Variants in MEGF9 observed in about 807,000 individuals in gnomAD.
MEGF9 encodes multiple epidermal growth factor-like domains protein 9.
In MEGF9, 6 loss-of-function variants were observed where a neutral mutation model predicts 46.8. The observed-to-expected ratio is 0.13, with a 90% CI of 0.07 to 0.25. The LOEUF (loss-of-function observed/expected upper bound fraction) is 0.25. Among genes scored for constraint, MEGF9 ranks in the 10% least tolerant of loss-of-function variants. The pLI is 1.00. For synonymous variants in MEGF9, 302 were observed against 330.7 expected (o/e 0.91, Z 0.94); for missense variants, 683 against 792.4 (o/e 0.86, Z 1.66).
At chr9:120,632,948 T>G (rs536203877) in intron 2 of MEGF9, among the ~76,000 whole-genome samples, 2 of 152,234 alleles carry the variant, frequency 1.3e-5, no homozygotes, top group Admixed American at 6.5e-5. Context: ...TCCCACTTGA[T>G]CATGGTGTAT....
At chr9:120,675,207 G>A (rs1182328299) in intron 1 of MEGF9, among the ~76,000 whole-genome samples, 3 of 152,130 alleles carry the variant, frequency 2.0e-5, no homozygotes, top group African/African-American at 7.2e-5. Flanking sequence ...AATGTCCTTC[G>A]ACTGGTGAAT....
chr9:120,683,887 C>T (rs2043809768), intron 1 of MEGF9, among the ~76,000 whole-genome samples: 1 of 150,922 alleles, frequency 6.6e-6, no homozygotes, highest in African/African-American at 2.4e-5. Context: ...GGAGTGAGAC[C>T]CTGCTTCAAA....
intron 1 of MEGF9, 109 bp downstream of exon 1, chr9:120,713,649 T>C (rs1477972768): frequency 1.5e-5 from 18 of 1,230,282 alleles, no homozygotes; most frequent in Non-Finnish European, 1.6e-5. Flanking sequence ...AGCCGGAACC[T>C]GGGGTGTCTT....
intron 1 of MEGF9, among the ~76,000 whole-genome samples, chr9:120,684,024 G>A (rs1564427402): frequency 6.6e-6 from 1 of 151,978 alleles, no homozygotes; most frequent in African/African-American, 2.4e-5. Flanking sequence ...TACCATAGAG[G>A]GTATAAAATA....
chr9:120,617,776 G>A (rs543773775), intron 3 of MEGF9, among the ~76,000 whole-genome samples: 28 of 152,228 alleles, frequency 1.8e-4, no homozygotes, highest in Non-Finnish European at 2.9e-4. Context: ...AGAGATGACA[G>A]TGGCTTGGGC....
intron 4 of MEGF9, 26 bp downstream of exon 4, chr9:120,612,367 TAAA>T: frequency 1.3e-6 from 2 of 1,592,254 alleles, no homozygotes; most frequent in Admixed American, 1.8e-5. Flanking sequence ...TTTTTCCCTC[TAAA>T]ATGAAAAGTT....
intron 1 of MEGF9, among the ~76,000 whole-genome samples, chr9:120,707,130 A>C (rs2043932544): frequency 6.6e-6 from 1 of 152,228 alleles, no homozygotes; most frequent in South Asian, 2.1e-4. Context: ...AATAGTAACT[A>C]ACTTAGTAGT....
intron 2 of MEGF9, among the ~76,000 whole-genome samples, chr9:120,637,790 CAAAAAAAAAAA>C (rs34861368): frequency 2.0e-4 from 7 of 34,790 alleles, no homozygotes; most frequent in African/African-American, 6.7e-4. Context: ...GACTCTGTCT[CAAAAAAAAAAA>C]AAAAAAAAAA....
At chr9:120,617,306 C>T (rs2043476878) in intron 3 of MEGF9, among the ~76,000 whole-genome samples, 2 of 152,080 alleles carry the variant, frequency 1.3e-5, no homozygotes, top group Admixed American at 6.5e-5. Context: ...TTGTTACCTG[C>T]AAAAAGACCT....
At chr9:120,687,388 G>A (rs1302717053) in intron 1 of MEGF9, among the ~76,000 whole-genome samples, 1 of 152,134 alleles carries the variant, frequency 6.6e-6, no homozygotes, top group Non-Finnish European at 1.5e-5. Context: ...CACATTAATT[G>A]AGACGTATTG....
intron 1 of MEGF9, among the ~76,000 whole-genome samples, chr9:120,695,535 C>T (rs1198078986): frequency 1.6e-5 from 2 of 124,552 alleles, no homozygotes; most frequent in African/African-American, 6.2e-5. Flanking sequence ...ATCTGGGAGG[C>T]GGAGGTTGCA....
At chr9:120,693,520 A>G (rs896544145) in intron 1 of MEGF9, among the ~76,000 whole-genome samples, 1 of 152,204 alleles carries the variant, frequency 6.6e-6, no homozygotes, top group African/African-American at 2.4e-5. Context: ...ATTCTGATAA[A>G]CTGTTAAAAG....
Position 120,713,806 on chromosome 9 carries a change from CGCTGCTGTTGCT to C in MEGF9, c.541_552del (p.Ser181_Ser184del). On this transcript the variant is annotated inframe_deletion, in exon 1 of 6. Transcript: ENST00000373930. ...TCGGTGGCAGGTGGGGTGGGGAGGA[CGCTGCTGTTGCT>C]GCTGCTGGGGAGATCGGGGGTCGGG... The C allele has an allele frequency of 7.7e-7, 1 of 1,296,176 alleles. No individual in the cohort carries two copies. 80.3% of individuals were successfully genotyped at this position (1,296,176 alleles called of 1,614,324 possible).
At chr9:120,652,867 T>C (rs1040476332) in intron 2 of MEGF9, among the ~76,000 whole-genome samples, 11 of 152,324 alleles carry the variant, frequency 7.2e-5, no homozygotes, top group Middle Eastern at 3.4e-3. Flanking sequence ...AACTGTATTT[T>C]TGTACTAATT....
intron 3 of MEGF9, among the ~76,000 whole-genome samples, chr9:120,613,772 T>C (rs540783890): frequency 1.3e-5 from 2 of 152,276 alleles, no homozygotes; most frequent in Admixed American, 6.5e-5. Flanking sequence ...ACTACTATTA[T>C]GGAAATTAGT....
At chr9:120,687,712 A>G (rs1223933135) in intron 1 of MEGF9, among the ~76,000 whole-genome samples, 1 of 125,040 alleles carries the variant, frequency 8.0e-6, no homozygotes, top group East Asian at 3.3e-4. Flanking sequence ...GTGTGTGTAA[A>G]CATTTTTAAA....
intron 1 of MEGF9, among the ~76,000 whole-genome samples, chr9:120,667,637 T>TG (rs2043730943): frequency 6.6e-6 from 1 of 152,198 alleles, no homozygotes; most frequent in African/African-American, 2.4e-5. Context: ...ACATCATTCC[T>TG]GATTTCTGAA....
chr9:120,699,557 T>G (rs1455035180), intron 1 of MEGF9, among the ~76,000 whole-genome samples: 5 of 142,960 alleles, frequency 3.5e-5, no homozygotes, highest in African/African-American at 1.3e-4. Context: ...ATGTCTACAA[T>G]TTTTTTTTTT....
At chr9:120,710,032 CA>C (rs56208944) in intron 1 of MEGF9, among the ~76,000 whole-genome samples, 58,544 of 98,006 alleles carry the variant, frequency 0.6, 14,879 homozygotes, top group South Asian at 0.68. Flanking sequence ...AACTCCGTCT[CA>C]AAAAAAAAAA....
Sources: allele counts gnomAD v4.1 joint callset (sites outside exome capture counted in the v4.1 genomes callset), GRCh38; gene constraint gnomAD v4.1.1; transcripts MANE v1.5; gene names NCBI Gene and HGNC (gene_info 2026-07-23, HGNC 2026-07-21).